Variants in GALNT18 observed in about 807,000 individuals in gnomAD.
GALNT18 encodes polypeptide N-acetylgalactosaminyltransferase 18.
GALNT18 carries 44 observed loss-of-function variants against 69.5 expected under a neutral mutation model. The observed-to-expected ratio is 0.63, with a 90% CI of 0.50 to 0.81. The LOEUF (loss-of-function observed/expected upper bound fraction) is 0.81, where lower values mean the gene tolerates loss of function less well. Ranked by LOEUF, GALNT18 falls within the 40% of genes least tolerant of loss-of-function variation. GALNT18 has a pLI of 0.00. For missense variants in GALNT18, 715 were observed against 810.0 expected (o/e 0.88, Z 1.42); for synonymous variants, 364 against 318.2 (o/e 1.14, Z -1.53).
intron 6 of GALNT18, among the ~76,000 whole-genome samples, chr11:11,369,027 T>A (rs1036732784): frequency 1.3e-5 from 2 of 152,236 alleles, no homozygotes; most frequent in African/African-American, 4.8e-5. Context: ...GAGTCCCAGC[T>A]TTATGGGAAG....
intron 3 of GALNT18, among the ~76,000 whole-genome samples, chr11:11,423,658 G>C (rs767772186): frequency 6.6e-6 from 1 of 152,188 alleles, no homozygotes; most frequent in South Asian, 2.1e-4. Flanking sequence ...AGGGAATGGA[G>C]AAAAGGGATA....
At chr11:11,607,524 T>C (rs1215637068) in intron 1 of GALNT18, among the ~76,000 whole-genome samples, 1 of 152,218 alleles carries the variant, frequency 6.6e-6, no homozygotes, top group African/African-American at 2.4e-5. Flanking sequence ...ACTACATCTA[T>C]CTCTGAATTG....
At chr11:11,438,724 C>A (rs1590002271) in intron 2 of GALNT18, among the ~76,000 whole-genome samples, 1 of 152,140 alleles carries the variant, frequency 6.6e-6, no homozygotes, top group African/African-American at 2.4e-5. Context: ...CATTGGCAAC[C>A]CAGAGACCTT....
chr11:11,302,463 C>G (rs1379671649), intron 9 of GALNT18, among the ~76,000 whole-genome samples: 3 of 152,202 alleles, frequency 2.0e-5, no homozygotes, highest in Non-Finnish European at 4.4e-5. Flanking sequence ...TCCTCCTGCC[C>G]TCTGCCTGCA....
intron 2 of GALNT18, among the ~76,000 whole-genome samples, chr11:11,433,422 A>G (rs570973658): frequency 6.6e-6 from 1 of 152,356 alleles, no homozygotes; most frequent in South Asian, 2.1e-4. Context: ...ATGAGGCTCA[A>G]AGAGGTTGAG....
At position 11,340,286 on chromosome 11, in the gene GALNT18, T is replaced by TTGAA. The variant is rs1554918724; in HGVS notation, c.1278+532_1278+533insTTCA. On this transcript the variant is annotated intron_variant, in intron 7 of 10. Coordinates refer to ENST00000227756, the MANE Select transcript of GALNT18 (RefSeq NM_198516.3). The surrounding 1 kb of genome is among the most constrained non-coding windows in gnomAD (Gnocchi z 4.2). ...AGGCAATGATGAGGCTCTGTGAAGGTTAACTCCATCTCCTAGTGAAGGTCC... is the reference window on the plus strand; with the variant it reads ...AGGCAATGATGAGGCTCTGTGAAGGTTGAATAACTCCATCTCCTAGTGAAGGTCC... Among the ~76,000 whole-genome samples, 1 of 48,908 alleles carries TTGAA rather than the reference T, an allele frequency of 2.0e-5. No individual in the cohort carries two copies. The highest frequency in any genetic ancestry group is 3.5e-5 in the Non-Finnish European group (1 of 28,226). 32.1% of individuals were successfully genotyped at this position (48,908 alleles called of 152,430 possible).
At chr11:11,416,341 A>G (rs1466719258) in intron 3 of GALNT18, among the ~76,000 whole-genome samples, 2 of 152,112 alleles carry the variant, frequency 1.3e-5, no homozygotes, top group Non-Finnish European at 2.9e-5. Context: ...CCCGCTCTGC[A>G]CCTCCTGATC....
rs1853795478 is a variant in GALNT18 at position 11,377,491 on chromosome 11, A to G, written c.780-112T>C. On this transcript the variant is annotated intron_variant, in intron 4 of 10. Coordinates refer to ENST00000227756, the MANE Select transcript of GALNT18 (RefSeq NM_198516.3). This position sits in a 1 kb window ranked among gnomAD's most constrained non-coding sequence, Gnocchi z 4.6. ...CAGAAAGAGGAAGGAAGGCCTGCCC[A>G]TCTCCTCTGATGGAGAGGTGCACTG... is the stretch of plus-strand genomic sequence containing the variant. The G allele has an allele frequency of 1.2e-5, 10 of 869,214 alleles. No homozygotes were observed. The highest frequency in any genetic ancestry group is 4.1e-5 in the Admixed American group (2 of 48,542). The allele number at this position is 869,214 out of a possible 1,614,324, so 53.8% of individuals were successfully genotyped here. A position where few individuals can be genotyped will look rare whatever the true frequency, so the allele number is the denominator to read the frequency against.
At chr11:11,317,956 C>T (rs1217485441) in intron 9 of GALNT18, among the ~76,000 whole-genome samples, 3 of 152,214 alleles carry the variant, frequency 2.0e-5, no homozygotes, top group African/African-American at 7.2e-5. Context: ...CAAGTCAATT[C>T]ACATCCCAGA....
chr11:11,461,565 C>G lies in GALNT18; in HGVS notation c.236-12629G>C, dbSNP rs748465457. ...GAAGCACATACCGTTATCCCCCCCG[C>G]TCCCGCCCGCCACCGAGCTGACAGC... On this transcript the variant is annotated intron_variant, in intron 1 of 10. Transcript: ENST00000227756. This position sits in a 1 kb window ranked among gnomAD's most constrained non-coding sequence, Gnocchi z 4.1. 2.0e-5 allele frequency among the ~76,000 whole-genome samples: 3 copies of G among 152,192 alleles called. No individual in the cohort carries two copies. Among genetic ancestry groups the G allele is most frequent in the Non-Finnish European group, 4.4e-5 (3 of 68,042 alleles).
rs1279474969 is a variant in GALNT18 at position 11,339,863 on chromosome 11, C to T, written c.1278+956G>A. ...AATCATTTAACCAGAGCAACATTAG[C>T]TTGGTGTAGAGTTTAGGTAACAGGG... On this transcript the variant is annotated intron_variant, in intron 7 of 10. Coordinates refer to ENST00000227756, the MANE Select transcript of GALNT18 (RefSeq NM_198516.3). The surrounding 1 kb of genome is among the most constrained non-coding windows in gnomAD (Gnocchi z 5.2). 6.6e-6 allele frequency among the ~76,000 whole-genome samples: 1 copy of T among 152,152 alleles called. No individual in the cohort carries two copies. The highest frequency in any genetic ancestry group is 1.5e-5 in the Non-Finnish European group (1 of 68,034).
At chr11:11,277,399 T>C (rs1043598860) in intron 10 of GALNT18, among the ~76,000 whole-genome samples, 1 of 152,284 alleles carries the variant, frequency 6.6e-6, no homozygotes, top group Non-Finnish European at 1.5e-5. Flanking sequence ...TTCTTCTCTT[T>C]TTTTTGTTAG....
intron 1 of GALNT18, among the ~76,000 whole-genome samples, chr11:11,471,348 T>C (rs1427666313): frequency 6.6e-6 from 1 of 152,184 alleles, no homozygotes; most frequent in Non-Finnish European, 1.5e-5. Context: ...ATGCCCCACT[T>C]TAGGACTCAA....
chr11:11,459,196 AGAGT>A lies in GALNT18; in HGVS notation c.236-10264_236-10261del, dbSNP rs1855986587. ...AGGGCTTCCCTTCTTCTCTGTTTCT[AGAGT>A]TGCATTCAAACATGAGCCGAAGGTC... On this transcript the variant is annotated intron_variant, in intron 1 of 10. Coordinates refer to ENST00000227756, the MANE Select transcript of GALNT18 (RefSeq NM_198516.3). This position sits in a 1 kb window ranked among gnomAD's most constrained non-coding sequence, Gnocchi z 5.0. 1.3e-5 allele frequency among the ~76,000 whole-genome samples: 2 copies of A among 152,056 alleles called. No individual in the cohort carries two copies. The highest frequency in any genetic ancestry group is 2.9e-5 in the Non-Finnish European group (2 of 68,016).
At position 11,540,432 on chromosome 11, in the gene GALNT18, G is replaced by A. The variant is rs1256956171; in HGVS notation, c.235+80927C>T. ...CCCACACCGTGTGTACTGAAGGGCT[G>A]GCAGAGCTGCAGGTGATACCTTGCC... On this transcript the variant is annotated intron_variant, in intron 1 of 10. Coordinates refer to ENST00000227756, the MANE Select transcript of GALNT18 (RefSeq NM_198516.3). The surrounding 1 kb of genome is among the most constrained non-coding windows in gnomAD (Gnocchi z 4.6). 6.6e-6 allele frequency among the ~76,000 whole-genome samples: 1 copy of A among 152,168 alleles called. No homozygotes were observed. The highest frequency in any genetic ancestry group is 2.4e-5 in the African/African-American group (1 of 41,428).
At position 11,477,772 on chromosome 11, in the gene GALNT18, C is replaced by T. The variant is rs545861222; in HGVS notation, c.236-28836G>A. On this transcript the variant is annotated intron_variant, in intron 1 of 10. Coordinates refer to ENST00000227756, the MANE Select transcript of GALNT18 (RefSeq NM_198516.3). ...TTTTCACCCTATAGCAGAAGACTTA[C>T]TCTTACTGAGCACATTTAAAAGGAT... 3.9e-5 allele frequency among the ~76,000 whole-genome samples: 6 copies of T among 152,324 alleles called. No homozygotes were observed. The South Asian group carries it at 1.2e-3, about 32-fold the overall frequency.
Position 11,540,312 on chromosome 11 carries a change from C to G in GALNT18, c.235+81047G>C, listed in dbSNP as rs945204280. Reference sequence around the variant, plus strand: ...AAGGTGCAGGATAAATGTTTTTCTTCGTCGTTGCCATGGAAACTTGTGACT... The same window carrying G: ...AAGGTGCAGGATAAATGTTTTTCTTGGTCGTTGCCATGGAAACTTGTGACT... On this transcript the variant is annotated intron_variant, in intron 1 of 10. Transcript: ENST00000227756. The surrounding 1 kb of genome is among the most constrained non-coding windows in gnomAD (Gnocchi z 4.6). Among the ~76,000 whole-genome samples, 1 of 152,124 alleles carries G rather than the reference C, an allele frequency of 6.6e-6. No homozygotes were observed. Among genetic ancestry groups the G allele is most frequent in the African/African-American group, 2.4e-5 (1 of 41,398 alleles).
intron 10 of GALNT18, among the ~76,000 whole-genome samples, chr11:11,278,391 C>A (rs374951405): frequency 6.6e-6 from 1 of 151,034 alleles, no homozygotes; most frequent in South Asian, 2.1e-4. Flanking sequence ...GGAGGGATAG[C>A]GTTAGGAGAA....
intron 9 of GALNT18, among the ~76,000 whole-genome samples, chr11:11,319,764 A>G (rs1345000145): frequency 1.3e-5 from 2 of 152,210 alleles, no homozygotes; most frequent in African/African-American, 4.8e-5. Flanking sequence ...AAAAATCTGC[A>G]TCCTTATACT....
Sources: allele counts gnomAD v4.1 joint callset (sites outside exome capture counted in the v4.1 genomes callset), GRCh38; gene constraint gnomAD v4.1.1; non-coding constraint Gnocchi (gnomAD v3.1); transcripts MANE v1.5; gene names NCBI Gene and HGNC (gene_info 2026-07-23, HGNC 2026-07-21).